PCDH15: variants seen among roughly 807,000 people sequenced by gnomAD.
PCDH15 encodes protocadherin related 15.
In PCDH15, 129 loss-of-function variants were observed where a neutral mutation model predicts 178.5. The observed-to-expected ratio is 0.72, with a 90% CI of 0.63 to 0.84. PCDH15 has a LOEUF of 0.84. Among genes scored for constraint, PCDH15 ranks in the 40% least tolerant of loss-of-function variants. The pLI is 0.00. For synonymous variants in PCDH15, 800 were observed against 732.0 expected, an observed-to-expected ratio of 1.09 and a Z score of -1.50; for missense variants, 2,230 against 2,099.9, an observed-to-expected ratio of 1.06 and a Z score of -1.21.
intron 29 of PCDH15, among the ~76,000 whole-genome samples, chr10:53,837,231 C>A (rs2077360142): frequency 6.6e-6 from 1 of 151,058 alleles, no homozygotes; most frequent in African/African-American, 2.4e-5. Flanking sequence ...GAGAATATTC[C>A]AGAAATAAAA....
chr10:53,965,884 T>C (rs563682379), intron 21 of PCDH15, among the ~76,000 whole-genome samples: 1 of 152,218 alleles, frequency 6.6e-6, no homozygotes, highest in African/African-American at 2.4e-5. Flanking sequence ...TTTTTGCATA[T>C]GGAATTATGC....
chr10:55,319,940 C>A (rs57809835), upstream of PCDH15, among the ~76,000 whole-genome samples: 28 of 152,196 alleles, frequency 1.8e-4, no homozygotes, highest in African/African-American at 6.5e-4. Context: ...CTGAACAGAG[C>A]AGGGTGATCT....
intron 18 of PCDH15, among the ~76,000 whole-genome samples, chr10:54,029,717 A>G (rs1490391757): frequency 2.6e-5 from 4 of 152,304 alleles, no homozygotes; most frequent in East Asian, 1.9e-4. Flanking sequence ...ATGCCACTTG[A>G]AAAGGGAAAA....
chr10:55,340,245 T>C (rs895081528), intron 2 of PCDH15, among the ~76,000 whole-genome samples: 9 of 150,950 alleles, frequency 6.0e-5, no homozygotes, highest in African/African-American at 1.7e-4. Flanking sequence ...ATGTAATATA[T>C]ACATATATTA....
At chr10:54,011,086 C>G (rs958266534) in intron 20 of PCDH15, among the ~76,000 whole-genome samples, 5 of 151,172 alleles carry the variant, frequency 3.3e-5, no homozygotes, top group African/African-American at 9.7e-5. Context: ...CGTTCTTTAC[C>G]CAGCTCAGGC....
chr10:54,957,608 C>T (rs1309530157), intron 2 of PCDH15, among the ~76,000 whole-genome samples: 1 of 151,414 alleles, frequency 6.6e-6, no homozygotes, highest in Non-Finnish European at 1.5e-5. Flanking sequence ...AACTATAATA[C>T]AGAGATCAAG....
intron 2 of PCDH15, chr10:54,585,430 AC>A (rs1305174448): frequency 1.3e-4 from 20 of 157,190 alleles, no homozygotes; most frequent in African/African-American, 4.5e-4. Context: ...TTAATGGCTT[AC>A]CCCCCTACCT....
chr10:55,072,891 T>G (rs960314846), intron 2 of PCDH15, among the ~76,000 whole-genome samples: 1 of 150,486 alleles, frequency 6.6e-6, no homozygotes, highest in Non-Finnish European at 1.5e-5. Context: ...ATCAAAAAGC[T>G]TATCCACCAT....
rs1394326547 is a variant in PCDH15, at chr10:53,957,969, A to G, written c.3122+1763T>C. Among the ~76,000 whole-genome samples the G allele has an allele frequency of 2.0e-5, 3 of 152,330 alleles. No individual in the cohort carries two copies. The East Asian group carries it at 5.8e-4, about 29-fold the overall frequency. On this transcript the variant is annotated intron_variant, in intron 23 of 37. Coordinates refer to ENST00000644397, the MANE Select transcript of PCDH15 (RefSeq NM_001384140.1). ...TACATGCTATGGAAGATTTTCTGGT[A>G]ATTATATTACATAATTTAATTTTGT...
chr10:54,635,479 A>G (rs1481691219), intron 2 of PCDH15, among the ~76,000 whole-genome samples: 8 of 151,762 alleles, frequency 5.3e-5, no homozygotes, highest in Non-Finnish European at 1.5e-5. Context: ...CTTGTATTCT[A>G]CCAGAGTTCT....
In PCDH15 at chr10:55,622,008, T is replaced by A. The variant is rs1837403004; in HGVS notation, c.-156+5617A>T. ...CTCTCTATATATATTTATATATGTA[T>A]ATATAATAAATATTTATATATGTAT... On this transcript the variant is annotated intron_variant, in intron 2 of 5. Coordinates refer to the PCDH15 transcript ENST00000613346. 2.1e-5 allele frequency among the ~76,000 whole-genome samples: 3 copies of A among 142,594 alleles called. No individual in the cohort carries two copies. The South Asian group carries it at 6.3e-4, about 30-fold the overall frequency. The allele number at this position is 142,594 out of a possible 152,430, so 93.5% of individuals were successfully genotyped here. A position where few individuals can be genotyped will look rare whatever the true frequency, so the allele number is the denominator to read the frequency against.
At chr10:55,007,839 G>C (rs1354625819) in intron 2 of PCDH15, among the ~76,000 whole-genome samples, 1 of 152,010 alleles carries the variant, frequency 6.6e-6, no homozygotes, top group Non-Finnish European at 1.5e-5. Context: ...ATATAAATAA[G>C]GGGAGAGGAC....
chr10:54,084,071 T>C (rs894271916), intron 16 of PCDH15, among the ~76,000 whole-genome samples: 1 of 137,918 alleles, frequency 7.3e-6, no homozygotes, highest in Non-Finnish European at 1.5e-5. Flanking sequence ...CTCTCTTTTT[T>C]TTTAATGTGC....
chr10:55,088,038 A>T (rs76361646), intron 2 of PCDH15, among the ~76,000 whole-genome samples: 6,172 of 152,188 alleles, frequency 0.041, 298 homozygotes, highest in East Asian at 0.14. Context: ...AATGTACACG[A>T]TTAAATGCTT....
intron 20 of PCDH15, among the ~76,000 whole-genome samples, chr10:54,017,957 T>C (rs963879067): frequency 1.3e-5 from 2 of 152,178 alleles, no homozygotes; most frequent in African/African-American, 4.8e-5. Context: ...ATACTAATTA[T>C]GTATTGGTGA....
In PCDH15 at chr10:53,984,813, AT is replaced by A. The variant is rs2090983870; in HGVS notation, c.2868+10835del. On this transcript the variant is annotated intron_variant, in intron 21 of 37. Coordinates refer to ENST00000644397, the MANE Select transcript of PCDH15 (RefSeq NM_001384140.1). ...TTAAGGAGTATCTTTTAACTAGACC[AT>A]TTATGGTACATTGTATTATAGTTTA... 1.3e-5 allele frequency among the ~76,000 whole-genome samples: 2 copies of A among 152,068 alleles called. 1 individual carries two copies. The highest frequency in any genetic ancestry group is 4.2e-4 in the South Asian group (2 of 4,810).
At chr10:55,237,126 T>C (rs564368281) in intron 1 of PCDH15, among the ~76,000 whole-genome samples, 1 of 152,240 alleles carries the variant, frequency 6.6e-6, no homozygotes, top group South Asian at 2.1e-4. Context: ...AATTCATTTC[T>C]TTTTAACATT....
intron 1 of PCDH15, among the ~76,000 whole-genome samples, chr10:54,798,033 G>A (rs578244972): frequency 6.6e-6 from 1 of 151,942 alleles, no homozygotes; most frequent in Non-Finnish European, 1.5e-5. Context: ...GAATTTCTGG[G>A]TGTATTCTCG....
intron 18 of PCDH15, among the ~76,000 whole-genome samples, chr10:54,058,889 T>G (rs2135720390): frequency 6.6e-6 from 1 of 152,148 alleles, no homozygotes; most frequent in African/African-American, 2.4e-5. Context: ...AGACAGGATT[T>G]CTCCATGTTG....
Sources: gnomAD v4.1 joint callset for allele counts (sites outside exome capture counted in the v4.1 genomes callset) on GRCh38, gnomAD v4.1.1 for gene constraint, MANE v1.5 for transcripts, NCBI Gene and HGNC (gene_info 2026-07-23, HGNC 2026-07-21) for gene names.